Variants in PTPRT observed in about 807,000 individuals in gnomAD.
PTPRT encodes the protein receptor-type tyrosine-protein phosphatase T.
In PTPRT, 56 loss-of-function variants were observed where a neutral mutation model predicts 176.8. That is an observed-to-expected ratio of 0.32 (90% CI 0.26 to 0.40). The LOEUF is 0.40. Ranked by LOEUF, PTPRT falls within the 10% of genes least tolerant of loss-of-function variation. The pLI, the probability that PTPRT is intolerant of heterozygous loss-of-function variation, is 1.00. For missense variants in PTPRT, 1,540 were observed against 1,908.2 expected (o/e 0.81, Z 3.60); for synonymous variants, 783 against 739.0 (o/e 1.06, Z -0.96).
At chr20:42,405,741 A>G (rs2058955299) in intron 9 of PTPRT, among the ~76,000 whole-genome samples, 1 of 152,124 alleles carries the variant, frequency 6.6e-6, no homozygotes. Flanking sequence ...TGGTATTTCT[A>G]GTTCTAGATC....
intron 1 of PTPRT, among the ~76,000 whole-genome samples, chr20:42,956,577 ATC>A (rs201980122): frequency 7.9e-5 from 12 of 151,236 alleles, no homozygotes; most frequent in African/African-American, 2.7e-4. Context: ...AGCCAATTAA[ATC>A]TCTCTCTTTT....
At position 42,359,901 on chromosome 20, in the gene PTPRT, G is replaced by A. The variant is rs201984840; in HGVS notation, c.1561-7616C>T. 8.5e-5 allele frequency among the ~76,000 whole-genome samples: 13 copies of A among 152,308 alleles called. 1 individual carries two copies. The East Asian group carries it at 9.7e-4, about 11-fold the overall frequency. ...GCAGGGGCTTCCTCTAGCCTGGTGC[G>A]GACTTTCTTGGTTACCATGGATCAA... On this transcript the variant is annotated intron_variant, in intron 9 of 30. Transcript: ENST00000373187.
intron 1 of PTPRT, among the ~76,000 whole-genome samples, chr20:42,896,874 G>A (rs576015175): frequency 5.1e-4 from 78 of 152,262 alleles, no homozygotes; most frequent in South Asian, 1.4e-3. Flanking sequence ...CTTATTAATT[G>A]TGAACACCCT....
At chr20:42,970,357 G>A (rs1600606884) in intron 1 of PTPRT, among the ~76,000 whole-genome samples, 2 of 152,288 alleles carry the variant, frequency 1.3e-5, no homozygotes, top group East Asian at 1.9e-4. Context: ...CTTTTACAAT[G>A]AGAAGCAAAC....
intron 3 of PTPRT, among the ~76,000 whole-genome samples, chr20:42,789,442 G>A (rs932202661): frequency 3.9e-5 from 6 of 152,270 alleles, no homozygotes; most frequent in East Asian, 3.9e-4. Context: ...CACTACCTCC[G>A]TTCAAGCTTG....
At chr20:42,684,539 C>A (rs1414384782) in intron 6 of PTPRT, among the ~76,000 whole-genome samples, 1 of 151,992 alleles carries the variant, frequency 6.6e-6, no homozygotes, top group African/African-American at 2.4e-5. Context: ...CACCTCTAAG[C>A]AAAGGATTGG....
At chr20:42,175,784 A>G (rs944844920) in intron 16 of PTPRT, among the ~76,000 whole-genome samples, 2 of 152,164 alleles carry the variant, frequency 1.3e-5, no homozygotes, top group African/African-American at 4.8e-5. Flanking sequence ...TGATATGCAT[A>G]AAAATTAAGA....
chr20:42,866,486 C>T (rs907687055), intron 2 of PTPRT, among the ~76,000 whole-genome samples: 1 of 152,176 alleles, frequency 6.6e-6, no homozygotes, highest in Non-Finnish European at 1.5e-5. Flanking sequence ...CATCCCCATT[C>T]ATGCCTGATC....
chr20:42,621,536 C>G (rs2074196731), intron 7 of PTPRT, among the ~76,000 whole-genome samples: 1 of 152,194 alleles, frequency 6.6e-6, no homozygotes, highest in African/African-American at 2.4e-5. Context: ...TAAGGGGCCG[C>G]TTGGCAAGCA....
At chr20:42,669,218 A>T (rs1331492542) in intron 7 of PTPRT, among the ~76,000 whole-genome samples, 1 of 152,194 alleles carries the variant, frequency 6.6e-6, no homozygotes, top group South Asian at 2.1e-4. Context: ...TGCTGGTCAT[A>T]ATCCATCTTC....
intron 14 of PTPRT, among the ~76,000 whole-genome samples, chr20:42,247,257 C>T (rs956537892): frequency 7.2e-5 from 11 of 152,168 alleles, no homozygotes; most frequent in African/African-American, 2.4e-4. Flanking sequence ...ATGCCCTGGC[C>T]AGAGGCTAGT....
At chr20:42,759,502 T>A (rs1422229542) in intron 5 of PTPRT, among the ~76,000 whole-genome samples, 6 of 152,196 alleles carry the variant, frequency 3.9e-5, no homozygotes, top group African/African-American at 1.4e-4. Flanking sequence ...AGAAATCAGG[T>A]AGCATAAAAA....
chr20:43,017,419 G>A (rs776149821), intron 1 of PTPRT, among the ~76,000 whole-genome samples: 12 of 151,370 alleles, frequency 7.9e-5, no homozygotes, highest in Admixed American at 1.3e-4. Flanking sequence ...TCCCTCCTCC[G>A]GCCCACCTCG....
intron 1 of PTPRT, among the ~76,000 whole-genome samples, chr20:42,913,669 G>A (rs772167505): frequency 2.6e-5 from 4 of 152,134 alleles, no homozygotes; most frequent in Admixed American, 6.5e-5. Flanking sequence ...AAGATTGAAT[G>A]ATGAGGTTAT....
chr20:43,029,661 T>C (rs1408206655), intron 1 of PTPRT, among the ~76,000 whole-genome samples: 2 of 152,222 alleles, frequency 1.3e-5, no homozygotes, highest in Non-Finnish European at 2.9e-5. Flanking sequence ...TAATTTGGAG[T>C]GTTTCTCCTT....
intron 1 of PTPRT, among the ~76,000 whole-genome samples, chr20:43,003,408 C>T (rs1283493034): frequency 6.6e-6 from 1 of 151,988 alleles, no homozygotes; most frequent in Admixed American, 6.6e-5. Flanking sequence ...CCGTGTGTTC[C>T]CCAGGCTGGT....
intron 7 of PTPRT, among the ~76,000 whole-genome samples, chr20:42,657,024 G>A (rs1423798809): frequency 6.6e-6 from 1 of 152,240 alleles, no homozygotes; most frequent in East Asian, 1.9e-4. Flanking sequence ...GGTGGGACCA[G>A]GTGGAGGTAA....
intron 12 of PTPRT, among the ~76,000 whole-genome samples, chr20:42,308,186 T>C (rs2145340809): frequency 6.6e-6 from 1 of 152,232 alleles, no homozygotes; most frequent in African/African-American, 2.4e-5. Flanking sequence ...AACCAGCAGC[T>C]CATACTGCTG....
chr20:42,575,757 G>C (rs2073247590), intron 7 of PTPRT, among the ~76,000 whole-genome samples: 1 of 152,090 alleles, frequency 6.6e-6, no homozygotes, highest in African/African-American at 2.4e-5. Flanking sequence ...AGATTGCCAA[G>C]GCCTGTCGAT....
Sources: gnomAD v4.1 joint callset for allele counts (sites outside exome capture counted in the v4.1 genomes callset) on GRCh38, gnomAD v4.1.1 for gene constraint, MANE v1.5 for transcripts, NCBI Gene and HGNC (gene_info 2026-07-23, HGNC 2026-07-21) for gene names.